SLC30A7: variants seen among roughly 807,000 people sequenced by gnomAD.
SLC30A7 encodes solute carrier family 30 member 7, also known as zinc transporter 7.
In SLC30A7, 35 loss-of-function variants were observed where a neutral mutation model predicts 46.0. The ratio of observed to expected loss-of-function variants is 0.76; its 90% confidence interval spans 0.58 to 1.01. The LOEUF (loss-of-function observed/expected upper bound fraction) is 1.01, where lower values mean the gene tolerates loss of function less well. Among genes scored for constraint, SLC30A7 ranks in the 50% least tolerant of loss-of-function variants. The probability of loss-of-function intolerance (pLI) is 0.00; values close to 1 mark genes in which losing one functional copy is unlikely to be tolerated. For synonymous variants in SLC30A7, 147 were observed against 157.8 expected, an observed-to-expected ratio of 0.93 and a Z score of 0.51; for missense variants, 464 against 451.1, an observed-to-expected ratio of 1.03 and a Z score of -0.26.
downstream of SLC30A7, among the ~76,000 whole-genome samples, chr1:100,986,727 G>A (rs935667193): frequency 1.3e-5 from 2 of 152,166 alleles, no homozygotes; most frequent in Admixed American, 6.5e-5. Flanking sequence ...ATAAACTGTA[G>A]TCTATCCATA....
chr1:100,986,471 G>T (rs994637410), downstream of SLC30A7, among the ~76,000 whole-genome samples: 2 of 151,274 alleles, frequency 1.3e-5, no homozygotes, highest in Non-Finnish European at 2.9e-5. Flanking sequence ...CTGCCAACAT[G>T]AAGTGGTGGC....
intron 8 of SLC30A7, among the ~76,000 whole-genome samples, chr1:100,954,042 A>G (rs1465320253): frequency 6.6e-6 from 1 of 152,224 alleles, no homozygotes; most frequent in Admixed American, 6.5e-5. Flanking sequence ...AGTCACGTCA[A>G]ACAAGGGCTG....
chr1:100,989,719 C>T, the SLC30A7 span: 9 of 152,256 alleles, frequency 5.9e-5, no homozygotes, highest in African/African-American at 2.2e-4. Context: ...ATTCCAGTTA[C>T]CTCTAAGTTA....
chr1:100,914,420 T>C (rs1045757935), intron 6 of SLC30A7, among the ~76,000 whole-genome samples: 2 of 152,212 alleles, frequency 1.3e-5, no homozygotes, highest in Admixed American at 1.3e-4. Flanking sequence ...TCATAATTTT[T>C]TAAGCATCAC....
At chr1:100,914,081 A>G (rs1652310766) in intron 6 of SLC30A7, among the ~76,000 whole-genome samples, 1 of 152,136 alleles carries the variant, frequency 6.6e-6, no homozygotes, top group South Asian at 2.1e-4. Flanking sequence ...TTGTGGGTAC[A>G]TAGTAGGTGT....
At chr1:100,914,347 A>G (rs1227988348) in intron 6 of SLC30A7, among the ~76,000 whole-genome samples, 2 of 152,096 alleles carry the variant, frequency 1.3e-5, no homozygotes, top group African/African-American at 4.8e-5. Context: ...CCCTCCCCTC[A>G]AATGCCACTA....
intron 10 of SLC30A7, among the ~76,000 whole-genome samples, chr1:100,971,615 A>G (rs992521412): frequency 6.6e-6 from 1 of 152,154 alleles, no homozygotes; most frequent in African/African-American, 2.4e-5. Context: ...ATCATGTGCC[A>G]AGTACTGTGA....
intron 2 of SLC30A7, among the ~76,000 whole-genome samples, chr1:100,902,147 A>G (rs952460567): frequency 2.6e-5 from 4 of 152,184 alleles, no homozygotes; most frequent in Non-Finnish European, 5.9e-5. Context: ...TTAAATCATG[A>G]TATCAAGTTT....
chr1:100,969,562 G>A (rs1640860831), intron 10 of SLC30A7, among the ~76,000 whole-genome samples: 2 of 152,176 alleles, frequency 1.3e-5, no homozygotes, highest in South Asian at 2.1e-4. Context: ...GGTTCTTCCG[G>A]TAACTTTAGA....
At chr1:100,990,630 T>G in the SLC30A7 span, 3 of 1,612,598 alleles carry the variant, frequency 1.9e-6, no homozygotes, top group Non-Finnish European at 2.5e-6. Context: ...CCTCGGTAAC[T>G]GCTATTAAAA....
intron 2 of SLC30A7, among the ~76,000 whole-genome samples, chr1:100,902,578 G>C (rs567016868): frequency 3.3e-5 from 5 of 152,290 alleles, no homozygotes; most frequent in Non-Finnish European, 5.9e-5. Context: ...TTAGAAGTCA[G>C]AGATCAAAGT....
At chr1:100,918,250 G>GC in intron 7 of SLC30A7, 123 bp downstream of exon 7, 3 of 717,030 alleles carry the variant, frequency 4.2e-6, no homozygotes, top group Non-Finnish European at 4.7e-6. Flanking sequence ...TTTAGTGTTA[G>GC]CCTTTCTAGT....
chr1:100,985,727 T>C (rs1205840192), downstream of SLC30A7, among the ~76,000 whole-genome samples: 1 of 152,074 alleles, frequency 6.6e-6, no homozygotes, highest in Non-Finnish European at 1.5e-5. Context: ...TGAGTGTGGA[T>C]CTAAAACTCA....
rs746908209 is a variant in SLC30A7 at position 100,898,755 on chromosome 1, C to T, written c.182+2084C>T. 1.4e-4 allele frequency among the ~76,000 whole-genome samples: 22 copies of T among 152,110 alleles called. 1 individual carries two copies. The highest frequency in any genetic ancestry group is 1.4e-3 in the Admixed American group (22 of 15,280). ...ACTGATCAATAATTTCTTTATATGA[C>T]CAGAAGATTATCTGTGTTCCTGTAG... is the stretch of plus-strand genomic sequence containing the variant. On this transcript the variant is annotated intron_variant, in intron 2 of 10. Transcript: ENST00000357650.
intron 10 of SLC30A7, among the ~76,000 whole-genome samples, chr1:100,968,353 C>T (rs746398766): frequency 9.9e-5 from 15 of 151,328 alleles, no homozygotes; most frequent in Admixed American, 3.9e-4. Context: ...CCCAGTCACT[C>T]GGGAGGTTGA....
chr1:100,992,753 A>G, the SLC30A7 span: 1 of 1,575,038 alleles, frequency 6.3e-7, no homozygotes, highest in South Asian at 1.1e-5. Context: ...ATAGGCAGAA[A>G]ACTAGATGCC....
intron 2 of SLC30A7, among the ~76,000 whole-genome samples, chr1:100,902,787 C>T (rs1254790516): frequency 6.6e-6 from 1 of 152,144 alleles, no homozygotes. Context: ...TGGATGAGGG[C>T]TCACCTTAAT....
Position 100,896,346 on chromosome 1 carries a change from CG to C in SLC30A7, c.80+8del, listed in dbSNP as rs750894377. 6.2e-7 allele frequency: 1 copy of C among 1,614,034 alleles called. No individual in the cohort carries two copies. The highest frequency in any genetic ancestry group is 8.5e-7 in the Non-Finnish European group (1 of 1,179,960). On this transcript the variant is annotated splice_donor_5th_base_variant and intron_variant, in intron 1 of 10. Transcript: ENST00000357650. ...GCAAGATCTCGGGCTGGTTTAGGTG[CG>C]GGGTGCTGTGTTTGCGGGGAGGGGG...
At chr1:100,946,243 T>C (rs1043044932) in intron 8 of SLC30A7, among the ~76,000 whole-genome samples, 29 of 152,208 alleles carry the variant, frequency 1.9e-4, no homozygotes, top group Non-Finnish European at 4.1e-4. Flanking sequence ...CAGGGACAAT[T>C]TGACTTCCTC....
Sources: gnomAD v4.1 joint callset for allele counts (sites outside exome capture counted in the v4.1 genomes callset) on GRCh38, gnomAD v4.1.1 for gene constraint, MANE v1.5 for transcripts, NCBI Gene and HGNC (gene_info 2026-07-23, HGNC 2026-07-21) for gene names.